Variants in RSPO2 observed in about 807,000 individuals in gnomAD.
RSPO2 encodes R-spondin 2, also known as R-spondin-2.
Under a neutral mutation model 30.9 loss-of-function variants are expected in RSPO2, and 14 were observed. The observed-to-expected ratio is 0.45, with a 90% CI of 0.30 to 0.71. RSPO2 has a LOEUF of 0.71. Ranked by LOEUF, RSPO2 falls within the 30% of genes least tolerant of loss-of-function variation. RSPO2 has a pLI of 0.08. For synonymous variants in RSPO2, 107 were observed against 96.4 expected (o/e 1.11, Z -0.64); for missense variants, 264 against 301.9 (o/e 0.87, Z 0.93).
At chr8:107,985,651 T>C (rs1237205389) in intron 3 of RSPO2, among the ~76,000 whole-genome samples, 1 of 152,240 alleles carries the variant, frequency 6.6e-6, no homozygotes, top group East Asian at 1.9e-4. Context: ...TTTTTAGGCC[T>C]GTGTACTTTT....
At chr8:107,953,517 G>A (rs547788823) in intron 5 of RSPO2, among the ~76,000 whole-genome samples, 10 of 152,226 alleles carry the variant, frequency 6.6e-5, no homozygotes, top group Non-Finnish European at 1.5e-4. Context: ...AAAAGCATTT[G>A]TAGAGCAAAA....
chr8:107,958,725 GTGTGT>G (rs2130434933), intron 4 of RSPO2, among the ~76,000 whole-genome samples: 1 of 152,188 alleles, frequency 6.6e-6, no homozygotes, highest in Non-Finnish European at 1.5e-5. Context: ...AGGACCTAGT[GTGTGT>G]TGTTTCCCGC....
chr8:108,081,205 A>G (rs941273802), intron 2 of RSPO2, among the ~76,000 whole-genome samples: 1 of 152,158 alleles, frequency 6.6e-6, no homozygotes, highest in African/African-American at 2.4e-5. Context: ...GCACACCATC[A>G]GTTATTTGGA....
At chr8:108,019,891 A>AC (rs1476299264) in intron 2 of RSPO2, among the ~76,000 whole-genome samples, 25 of 152,122 alleles carry the variant, frequency 1.6e-4, no homozygotes, top group African/African-American at 5.1e-4. Context: ...CTAACAGGTA[A>AC]CTTGGTGTCA....
intron 5 of RSPO2, among the ~76,000 whole-genome samples, chr8:107,930,215 T>C (rs1236386464): frequency 6.6e-6 from 1 of 152,150 alleles, no homozygotes; most frequent in Non-Finnish European, 1.5e-5. Context: ...TTGTAAAGGA[T>C]TGGTGAAGTC....
At chr8:108,058,478 A>C (rs1206991616) in intron 2 of RSPO2, among the ~76,000 whole-genome samples, 6 of 152,206 alleles carry the variant, frequency 3.9e-5, no homozygotes, top group Non-Finnish European at 4.4e-5. Flanking sequence ...GACTTTCTTC[A>C]CAGAATTGGA....
At chr8:108,058,911 G>C (rs1812352741) in intron 2 of RSPO2, among the ~76,000 whole-genome samples, 1 of 151,482 alleles carries the variant, frequency 6.6e-6, no homozygotes, top group African/African-American at 2.4e-5. Flanking sequence ...GAAAACCTAG[G>C]CATTACCATT....
chr8:107,929,744 A>G (rs189515691), intron 5 of RSPO2, among the ~76,000 whole-genome samples: 84 of 152,268 alleles, frequency 5.5e-4, no homozygotes, highest in African/African-American at 2.0e-3. Context: ...ACAGTTAGAG[A>G]TTTTAGTTTT....
chr8:107,983,191 A>G, intron 3 of RSPO2: 1 of 1,559,964 alleles, frequency 6.4e-7, no homozygotes. Flanking sequence ...AGCTGTAGGC[A>G]AATACGAAGA....
intron 2 of RSPO2, among the ~76,000 whole-genome samples, chr8:108,008,657 A>G (rs1485754698): frequency 3.3e-5 from 5 of 152,106 alleles, no homozygotes; most frequent in Non-Finnish European, 7.4e-5. Flanking sequence ...TATTATAAAC[A>G]CATTTAAAAT....
chr8:108,039,881 TAGA>T lies in RSPO2; in HGVS notation c.94+42661_94+42663del, dbSNP rs1462579597. Among the ~76,000 whole-genome samples the T allele has an allele frequency of 3.3e-5, 5 of 152,152 alleles. No individual in the cohort carries two copies. The East Asian group carries it at 9.7e-4, about 29-fold the overall frequency. On this transcript the variant is annotated intron_variant, in intron 2 of 5. Transcript: ENST00000276659. ...CTCTCATGAATGGGATTAGTGCCCTTAGAAGAAGAGGCCAGAGAGTTAGTTAGT... is the reference window on the plus strand; with the variant it reads ...CTCTCATGAATGGGATTAGTGCCCTTAGAAGAGGCCAGAGAGTTAGTTAGT...
chr8:108,050,419 T>A lies in RSPO2; in HGVS notation c.94+32126A>T, dbSNP rs150054365. On this transcript the variant is annotated intron_variant, in intron 2 of 5. Coordinates refer to ENST00000276659, the MANE Select transcript of RSPO2 (RefSeq NM_178565.5). ...ATAGGATCATTCTAAATATCTATAGTTTACCTGTTAAAAATAAGTAATAAA... is the reference window on the plus strand; with the variant it reads ...ATAGGATCATTCTAAATATCTATAGATTACCTGTTAAAAATAAGTAATAAA... Among the ~76,000 whole-genome samples, 18 of 152,278 alleles carry A rather than the reference T, an allele frequency of 1.2e-4. No individual in the cohort carries two copies. In the South Asian group the frequency reaches 3.3e-3, roughly 28 times the overall value.
At chr8:107,916,821 A>G (rs1217172190) in intron 5 of RSPO2, among the ~76,000 whole-genome samples, 3 of 152,238 alleles carry the variant, frequency 2.0e-5, no homozygotes, top group African/African-American at 7.2e-5. Context: ...TGCCCAAATA[A>G]CATGGTTTTC....
intron 3 of RSPO2, among the ~76,000 whole-genome samples, chr8:107,982,657 C>T (rs1268956592): frequency 2.0e-5 from 3 of 152,134 alleles, no homozygotes. Context: ...TTTCCTATGA[C>T]TCCATGTACT....
intron 2 of RSPO2, among the ~76,000 whole-genome samples, chr8:108,009,867 T>C (rs143649498): frequency 7.8e-4 from 119 of 152,058 alleles, no homozygotes; most frequent in African/African-American, 2.5e-3. Flanking sequence ...CTGGATGACA[T>C]GGCAAAACTC....
rs1812400110 is a variant in RSPO2, at chr8:107,927,041, T to C, written c.617-25851A>G. ...TCCTATCCATGAGCATGGAATGTTC[T>C]TCCATTTGTTTGTGTCCTCTTTTAT... On this transcript the variant is annotated intron_variant, in intron 5 of 5. Coordinates refer to ENST00000276659, the MANE Select transcript of RSPO2 (RefSeq NM_178565.5). Among the ~76,000 whole-genome samples, 3 of 152,328 alleles carry C rather than the reference T, an allele frequency of 2.0e-5. No individual in the cohort carries two copies. In the South Asian group the frequency reaches 6.2e-4, roughly 32 times the overall value.
At chr8:107,941,292 A>G (rs192756655) in intron 5 of RSPO2, among the ~76,000 whole-genome samples, 7 of 152,250 alleles carry the variant, frequency 4.6e-5, no homozygotes, top group Admixed American at 2.0e-4. Context: ...AATTATCTCT[A>G]TGGTGGCCTT....
Position 108,082,724 on chromosome 8 carries a change from G to C in RSPO2, c.-86C>G. ...AAGAGCCGGCGCCGGCCGCGCTGCT[G>C]GGGAGGACTCAGAGGGAGACTCGCC... On this transcript the variant is annotated 5_prime_UTR_variant, in exon 2 of 6. Coordinates refer to ENST00000276659, the MANE Select transcript of RSPO2 (RefSeq NM_178565.5). 1 of 1,150,494 alleles carries C rather than the reference G, an allele frequency of 8.7e-7. No individual in the cohort carries two copies. The highest frequency in any genetic ancestry group is 1.3e-6 in the Non-Finnish European group (1 of 781,494). The allele number at this position is 1,150,494 out of a possible 1,614,324, so 71.3% of individuals were successfully genotyped here. A position where few individuals can be genotyped will look rare whatever the true frequency, so the allele number is the denominator to read the frequency against.
At chr8:108,042,747 A>G (rs1054260987) in intron 2 of RSPO2, among the ~76,000 whole-genome samples, 1 of 152,128 alleles carries the variant, frequency 6.6e-6, no homozygotes, top group Admixed American at 6.6e-5. Flanking sequence ...TGGCCCAACA[A>G]TGAAGGGTCA....
Sources: allele counts gnomAD v4.1 joint callset (sites outside exome capture counted in the v4.1 genomes callset), GRCh38; gene constraint gnomAD v4.1.1; transcripts MANE v1.5; gene names NCBI Gene and HGNC (gene_info 2026-07-23, HGNC 2026-07-21).